The following ONECUT2 variants were observed in gnomAD, a reference collection of about 807,000 sequenced individuals.
The protein encoded by ONECUT2 is one cut homeobox 2.
ONECUT2 carries 10 observed loss-of-function variants against 27.9 expected under a neutral mutation model. The ratio of observed to expected loss-of-function variants is 0.36; its 90% CI spans 0.22 to 0.61. The LOEUF is 0.61. Among genes scored for constraint, ONECUT2 ranks in the 20% least tolerant of loss-of-function variants. The pLI is 0.73. For missense variants in ONECUT2, 686 were observed against 721.0 expected, an observed-to-expected ratio of 0.95 and a Z score of 0.56; for synonymous variants, 334 against 315.1, an observed-to-expected ratio of 1.06 and a Z score of -0.64.
chr18:57,456,618 T>G (rs942816617), intron 1 of ONECUT2, among the ~76,000 whole-genome samples: 3 of 152,080 alleles, frequency 2.0e-5, no homozygotes, highest in Admixed American at 2.0e-4. Flanking sequence ...GTTTAATGAG[T>G]ATAGAGTTTT....
intron 1 of ONECUT2, among the ~76,000 whole-genome samples, chr18:57,471,464 G>T (rs2050353405): frequency 6.6e-6 from 1 of 152,184 alleles, no homozygotes; most frequent in South Asian, 2.1e-4. Flanking sequence ...CACTTTGTTT[G>T]TCCTGTGTCT....
intron 1 of ONECUT2, among the ~76,000 whole-genome samples, chr18:57,441,741 C>G (rs2050175298): frequency 6.6e-6 from 1 of 152,260 alleles, no homozygotes; most frequent in South Asian, 2.1e-4. Context: ...GCCGCAGATC[C>G]CCTCCTATCC....
intron 1 of ONECUT2, among the ~76,000 whole-genome samples, chr18:57,472,248 T>C (rs559742366): frequency 6.6e-6 from 1 of 152,336 alleles, no homozygotes; most frequent in South Asian, 2.1e-4. Context: ...AGTGTAGTAA[T>C]TGAACAGCAC....
In ONECUT2 at chr18:57,436,106, C is replaced by T. The variant is rs1244813441; in HGVS notation, c.390C>T (p.Ala130=). ...RPELSIPLHH[A]MSMSCDSSPP... ...AGCTCTCCATCCCGCTGCACCACGC[C>T]ATGAGCATGTCCTGCGACTCGTCTC... Residue 130 remains alanine (A), a synonymous_variant, in exon 1 of 2, where the codon GCC becomes GCT. Coordinates refer to ENST00000491143, the MANE Select transcript of ONECUT2 (RefSeq NM_004852.3). This position sits in a 1 kb window ranked among gnomAD's most constrained non-coding sequence, Gnocchi z 5.9. 1 of 1,600,692 alleles carries T rather than the reference C, an allele frequency of 6.2e-7. No individual in the cohort carries two copies. The highest frequency in any genetic ancestry group is 1.3e-5 in the African/African-American group (1 of 74,924).
Position 57,476,493 on chromosome 18 carries a change from T to A in ONECUT2, c.1285T>A (p.Ser429Thr). 6.2e-7 allele frequency: 1 copy of A among 1,614,162 alleles called. No homozygotes were observed. The highest frequency in any genetic ancestry group is 8.5e-7 in the Non-Finnish European group (1 of 1,180,018). ...AGACAGGAACAATTCCCAGAAGAAG[T>A]CCCGCCTGGTGTTCACTGACCTCCA... Reference protein sequence around the residue: ...NKDRNNSQKKSRLVFTDLQRR... With the variant: ...NKDRNNSQKKTRLVFTDLQRR... The change falls in exon 2 of 2, where the codon TCC (serine) becomes ACC (threonine). Residue 429 changes from serine (S) to threonine (T), a missense_variant. Ser to Thr is a moderately conservative substitution (Grantham distance 58, BLOSUM62 1). Coordinates refer to ENST00000491143, the MANE Select transcript of ONECUT2 (RefSeq NM_004852.3).
intron 1 of ONECUT2, among the ~76,000 whole-genome samples, chr18:57,465,636 A>C (rs1028532005): frequency 1.1e-4 from 17 of 151,956 alleles, no homozygotes; most frequent in African/African-American, 4.1e-4. Flanking sequence ...TATCTGGTAA[A>C]TTTTCTCTGG....
intron 1 of ONECUT2, among the ~76,000 whole-genome samples, chr18:57,440,236 A>C (rs541696717): frequency 1.3e-5 from 2 of 152,344 alleles, no homozygotes; most frequent in South Asian, 4.1e-4. Context: ...AGAGGCGGCC[A>C]AGACAAATTT....
At chr18:57,475,569 C>T (rs2050377738) in intron 1 of ONECUT2, among the ~76,000 whole-genome samples, 1 of 152,146 alleles carries the variant, frequency 6.6e-6, no homozygotes, top group African/African-American at 2.4e-5. Flanking sequence ...CTACAGAGGC[C>T]TGGTTGCTGC....
rs945499562 is a variant in ONECUT2 at position 57,480,145 on chromosome 18, A to G, written c.*3422A>G. 6.6e-6 allele frequency: 1 copy of G among 152,172 alleles called. No homozygotes were observed. The highest frequency in any genetic ancestry group is 1.5e-5 in the Non-Finnish European group (1 of 68,044). 9.4% of individuals were successfully genotyped at this position (152,172 alleles called of 1,614,324 possible). A position where few individuals can be genotyped will look rare whatever the true frequency, so the allele number is the denominator to read the frequency against. On this transcript the variant is annotated 3_prime_UTR_variant, in exon 2 of 2. Coordinates refer to ENST00000491143, the MANE Select transcript of ONECUT2 (RefSeq NM_004852.3). ...TCATTCCCCCTATGTGGGTCTCCCT[A>G]TGCAGGAGCTGTGAGAGAATGTGAC...
chr18:57,453,225 G>T (rs1430326108), intron 1 of ONECUT2, among the ~76,000 whole-genome samples: 1 of 152,144 alleles, frequency 6.6e-6, no homozygotes, highest in East Asian at 1.9e-4. Context: ...CTCAGTTGCT[G>T]TCATTTGCAC....
rs2050440157 is a variant in ONECUT2, at chr18:57,486,671, A to G, written c.*9948A>G. The G allele has an allele frequency of 6.6e-6, 1 of 152,668 alleles. No homozygotes were observed. Among genetic ancestry groups the G allele is most frequent in the African/African-American group, 2.4e-5 (1 of 41,464 alleles). The allele number at this position is 152,668 out of a possible 1,614,324, so 9.5% of individuals were successfully genotyped here. On this transcript the variant is annotated 3_prime_UTR_variant, in exon 2 of 2. Transcript: ENST00000491143. ...TTGTGCTTTTGTAATAGATGAAAAA[A>G]GGTGCGCTTAAAAAGAAAATGTATG...
chr18:57,479,519 G>C lies in ONECUT2; in HGVS notation c.*2796G>C, dbSNP rs1440769079. ...AATTTGCCACTGTGGATGATTTGAA[G>C]TATTCAGATCTCTATGGAAGTTTCT... On this transcript the variant is annotated 3_prime_UTR_variant, in exon 2 of 2. Coordinates refer to ENST00000491143, the MANE Select transcript of ONECUT2 (RefSeq NM_004852.3). The C allele has an allele frequency of 1.3e-5, 2 of 152,594 alleles. No individual in the cohort carries two copies. The highest frequency in any genetic ancestry group is 2.9e-5 in the Non-Finnish European group (2 of 68,018). 9.5% of individuals were successfully genotyped at this position (152,594 alleles called of 1,614,324 possible).
At position 57,436,430 on chromosome 18, in the gene ONECUT2, C is replaced by A; in HGVS notation, c.714C>A (p.Gly238=). The change falls in exon 1 of 2, where the codon GGC becomes GGA. Residue 238 remains glycine (G), a synonymous_variant. Transcript: ENST00000491143. The surrounding 1 kb of genome is among the most constrained non-coding windows in gnomAD (Gnocchi z 5.9). Reference sequence around the variant, plus strand: ...CGCCGCTGGGCAACGGGCTAGGCGGCCTCCACAACGCGCAGCAGAGTCTGC... The same window carrying A: ...CGCCGCTGGGCAACGGGCTAGGCGGACTCCACAACGCGCAGCAGAGTCTGC... ...AATPLGNGLG[G]LHNAQQSLPN... 6.2e-7 allele frequency: 1 copy of A among 1,612,340 alleles called. No homozygotes were observed. The highest frequency in any genetic ancestry group is 8.5e-7 in the Non-Finnish European group (1 of 1,179,862).
At chr18:57,459,989 C>T (rs1477577869) in intron 1 of ONECUT2, among the ~76,000 whole-genome samples, 1 of 152,244 alleles carries the variant, frequency 6.6e-6, no homozygotes. Context: ...GAGCCCCAAT[C>T]ATAGCTCACT....
chr18:57,477,420 A>G lies in ONECUT2; in HGVS notation c.*697A>G, dbSNP rs911700283. 3 of 151,272 alleles carry G rather than the reference A, an allele frequency of 2.0e-5. No individual in the cohort carries two copies. Among genetic ancestry groups the G allele is most frequent in the East Asian group, 3.9e-4 (2 of 5,160 alleles). The allele number at this position is 151,272 out of a possible 1,614,324, so 9.4% of individuals were successfully genotyped here. A position where few individuals can be genotyped will look rare whatever the true frequency, so the allele number is the denominator to read the frequency against. ...CCAGCTTACAATTTTTTTTTTCTTT[A>G]CCTCCTGGAAATCTCATATGGTCTT... On this transcript the variant is annotated 3_prime_UTR_variant, in exon 2 of 2. Transcript: ENST00000491143.
intron 1 of ONECUT2, among the ~76,000 whole-genome samples, chr18:57,442,136 C>A (rs888953831): frequency 6.6e-6 from 1 of 151,940 alleles, no homozygotes; most frequent in Non-Finnish European, 1.5e-5. Flanking sequence ...ACTCCCCTGG[C>A]CAAATGGTGG....
At chr18:57,452,387 G>A (rs2050235453) in intron 1 of ONECUT2, among the ~76,000 whole-genome samples, 1 of 151,538 alleles carries the variant, frequency 6.6e-6, no homozygotes, top group Non-Finnish European at 1.5e-5. Context: ...AGACCCACCA[G>A]GTGATTGCTT....
At chr18:57,440,196 C>G (rs1044705411) in intron 1 of ONECUT2, among the ~76,000 whole-genome samples, 2 of 152,236 alleles carry the variant, frequency 1.3e-5, no homozygotes, top group African/African-American at 4.8e-5. Context: ...CAAGACCAGC[C>G]CTTGCAGGGC....
At chr18:57,465,382 G>A (rs677190) in intron 1 of ONECUT2, among the ~76,000 whole-genome samples, 24,053 of 152,102 alleles carry the variant, frequency 0.16, 2,294 homozygotes, top group East Asian at 0.4. Flanking sequence ...CAGGCTGGTC[G>A]CAAATTCCTG....
Sources: gnomAD v4.1 joint callset for allele counts (sites outside exome capture counted in the v4.1 genomes callset) on GRCh38, gnomAD v4.1.1 for gene constraint, Gnocchi (gnomAD v3.1) non-coding constraint, MANE v1.5 for transcripts, NCBI Gene and HGNC (gene_info 2026-07-23, HGNC 2026-07-21) for gene names.